PSTPIP2: variants seen among roughly 807,000 people sequenced by gnomAD.
PSTPIP2 encodes the protein proline-serine-threonine phosphatase-interacting protein 2.
In PSTPIP2, 33 loss-of-function variants were observed where a neutral mutation model predicts 63.3. The ratio of observed to expected loss-of-function variants is 0.52; its 90% CI spans 0.40 to 0.70. The LOEUF (loss-of-function observed/expected upper bound fraction) is 0.70, where lower values mean the gene tolerates loss of function less well. Ranked by LOEUF, PSTPIP2 falls within the 30% of genes least tolerant of loss-of-function variation. The pLI is 0.00. For synonymous variants in PSTPIP2, 125 were observed against 132.7 expected (o/e 0.94, Z 0.40); for missense variants, 312 against 400.7 (o/e 0.78, Z 1.89).
chr18:45,997,847 A>T lies in PSTPIP2; in HGVS notation c.563-19T>A. 2.5e-6 allele frequency: 4 copies of T among 1,607,978 alleles called. No homozygotes were observed. Among genetic ancestry groups the T allele is most frequent in the Non-Finnish European group, 3.4e-6 (4 of 1,178,010 alleles). On this transcript the variant is annotated intron_variant, in intron 8 of 14. Coordinates refer to ENST00000409746, the MANE Select transcript of PSTPIP2 (RefSeq NM_024430.4). Reference sequence around the variant, plus strand: ...GCTTTGTCTGCAACAGAAGGGAGAGACCTGGGTCAGAAACTAGACAGGAAG... The same window carrying T: ...GCTTTGTCTGCAACAGAAGGGAGAGTCCTGGGTCAGAAACTAGACAGGAAG...
rs189706784 is a variant in PSTPIP2, at chr18:46,018,327, T to C, written c.213-2390A>G. Among the ~76,000 whole-genome samples the C allele has an allele frequency of 5.3e-5, 8 of 152,278 alleles. No individual in the cohort carries two copies. In the East Asian group the frequency reaches 1.5e-3, roughly 29 times the overall value. Reference sequence around the variant, plus strand: ...ATCTGCAAGAGAACTGGCTTATAATTACAGATTCTCAGGAGATGCAACCAC... The same window carrying C: ...ATCTGCAAGAGAACTGGCTTATAATCACAGATTCTCAGGAGATGCAACCAC... On this transcript the variant is annotated intron_variant, in intron 3 of 14. Transcript: ENST00000409746.
intron 14 of PSTPIP2, among the ~76,000 whole-genome samples, chr18:45,986,880 C>A (rs1051160229): frequency 3.9e-5 from 6 of 152,178 alleles, no homozygotes; most frequent in Non-Finnish European, 8.8e-5. Flanking sequence ...CTCTGTCGCC[C>A]AGGCTGGAGT....
chr18:46,011,336 T>C, intron 4 of PSTPIP2, 49 bp from the exon 5 acceptor site: 1 of 1,334,556 alleles, frequency 7.5e-7, no homozygotes, highest in Non-Finnish European at 1.1e-6. Context: ...ATGTCTGAAT[T>C]AAAATATATA....
At chr18:46,024,773 T>C in intron 2 of PSTPIP2, 87 bp from the exon 3 acceptor site, 2 of 1,002,254 alleles carry the variant, frequency 2.0e-6, no homozygotes, top group Non-Finnish European at 3.1e-6. Flanking sequence ...AAAGCAAAAC[T>C]GCACCTGTGA....
chr18:45,990,858 T>C lies in PSTPIP2; in HGVS notation c.921-102A>G, dbSNP rs2051522404. 4 of 947,990 alleles carry C rather than the reference T, an allele frequency of 4.2e-6. No homozygotes were observed. In the Admixed American group the frequency reaches 1.0e-4, roughly 24 times the overall value. 58.7% of individuals were successfully genotyped at this position (947,990 alleles called of 1,614,324 possible). A position where few individuals can be genotyped will look rare whatever the true frequency, so the allele number is the denominator to read the frequency against. On this transcript the variant is annotated intron_variant, in intron 12 of 14. Transcript: ENST00000409746. ...CTATTGTACTCTAATCAGATCTGGT[T>C]TCTGCACTGGAGGGTCAAGAAAGCT...
chr18:46,009,305 G>C (rs1051556357), intron 5 of PSTPIP2, among the ~76,000 whole-genome samples: 2 of 137,068 alleles, frequency 1.5e-5, no homozygotes, highest in African/African-American at 5.5e-5. Flanking sequence ...GCGTGTGTCT[G>C]ACCAGTGAAA....
chr18:45,991,917 C>T lies in PSTPIP2; in HGVS notation c.905G>A (p.Gly302Glu). The T allele has an allele frequency of 6.2e-7, 1 of 1,612,236 alleles. No individual in the cohort carries two copies. Among genetic ancestry groups the T allele is most frequent in the Non-Finnish European group, 8.5e-7 (1 of 1,178,390 alleles). The change falls in exon 12 of 15, where the codon GGG becomes GAG. Residue 302 changes from glycine to glutamate, a missense_variant. Coordinates refer to ENST00000409746, the MANE Select transcript of PSTPIP2 (RefSeq NM_024430.4). ...KNAVPAGKAT[G>E]PNLARRGPLP... is the part of the protein sequence containing the mutation. ...TGGTTATTACCTTGCCAAGTTAGGCCCTGTAGCCTTTCCTGCTGGGACTGC... is the reference window on the plus strand; with the variant it reads ...TGGTTATTACCTTGCCAAGTTAGGCTCTGTAGCCTTTCCTGCTGGGACTGC...
chr18:45,991,286 G>T (rs575877626), intron 12 of PSTPIP2, among the ~76,000 whole-genome samples: 1 of 152,206 alleles, frequency 6.6e-6, no homozygotes. Context: ...TTCTCTTTCC[G>T]CAGGATCCTT....
chr18:46,005,830 G>A (rs1296511246), intron 5 of PSTPIP2, among the ~76,000 whole-genome samples: 1 of 151,998 alleles, frequency 6.6e-6, no homozygotes, highest in African/African-American at 2.4e-5. Context: ...AAGGAACTTT[G>A]GTTTCAAAAA....
chr18:46,036,070 A>G (rs990969462), intron 2 of PSTPIP2, among the ~76,000 whole-genome samples: 29 of 150,542 alleles, frequency 1.9e-4, no homozygotes, highest in Non-Finnish European at 3.0e-5. Flanking sequence ...TGTTACTTAC[A>G]GTATTATTTA....
chr18:46,023,371 A>G (rs1475261308), intron 3 of PSTPIP2, among the ~76,000 whole-genome samples: 1 of 152,116 alleles, frequency 6.6e-6, no homozygotes, highest in African/African-American at 2.4e-5. Flanking sequence ...GACCAGCCTG[A>G]CCAGCATGGA....
chr18:46,002,378 C>G (rs536808905), intron 6 of PSTPIP2, among the ~76,000 whole-genome samples: 7 of 152,120 alleles, frequency 4.6e-5, no homozygotes, highest in African/African-American at 1.7e-4. Flanking sequence ...AGTGTTAGAT[C>G]TTTTCTTATA....
At chr18:45,997,653 CCCCTCCTCCCCT>C in intron 9 of PSTPIP2, 84 bp downstream of exon 9, 1 of 95,404 alleles carries the variant, frequency 1.0e-5, no homozygotes, top group African/African-American at 5.8e-5. Context: ...CCCTCCCCTC[CCCCTCCTCCCCT>C]CCCCCCCCCG....
chr18:46,003,754 G>GT (rs61114152), intron 6 of PSTPIP2, among the ~76,000 whole-genome samples: 17,030 of 130,340 alleles, frequency 0.13, 1,347 homozygotes, highest in East Asian at 0.37. Context: ...CCCTTTCAGA[G>GT]TTTTTTTTTT....
chr18:46,029,347 T>C, intron 2 of PSTPIP2: 10 of 1,559,124 alleles, frequency 6.4e-6, no homozygotes, highest in Non-Finnish European at 8.8e-6. Flanking sequence ...AGCATGAAAA[T>C]TAATGGAAGG....
At chr18:46,013,745 C>T (rs1356175293) in intron 4 of PSTPIP2, among the ~76,000 whole-genome samples, 2 of 151,986 alleles carry the variant, frequency 1.3e-5, no homozygotes, top group African/African-American at 4.8e-5. Flanking sequence ...ATTTCTCATA[C>T]CAAGAAAAGC....
chr18:45,994,155 T>G (rs2051567155), intron 9 of PSTPIP2, among the ~76,000 whole-genome samples: 1 of 152,180 alleles, frequency 6.6e-6, no homozygotes, highest in Admixed American at 6.5e-5. Flanking sequence ...TCTGTCTTTG[T>G]GTATGTTTAA....
chr18:46,037,257 A>AT (rs1430127659), intron 2 of PSTPIP2, among the ~76,000 whole-genome samples: 1 of 152,116 alleles, frequency 6.6e-6, no homozygotes, highest in African/African-American at 2.4e-5. Context: ...GGTTCAAGTA[A>AT]TTCTCCTGCC....
chr18:45,998,300 T>C (rs529488107), intron 8 of PSTPIP2, among the ~76,000 whole-genome samples: 30 of 152,386 alleles, frequency 2.0e-4, no homozygotes, highest in African/African-American at 4.3e-4. Flanking sequence ...CAGGATATTC[T>C]GGGAATTAGA....
Sources: allele counts gnomAD v4.1 joint callset (sites outside exome capture counted in the v4.1 genomes callset), GRCh38; gene constraint gnomAD v4.1.1; transcripts MANE v1.5; gene names NCBI Gene and HGNC (gene_info 2026-07-23, HGNC 2026-07-21).